The following LANCL1 variants were observed in gnomAD, a reference collection of about 807,000 sequenced individuals.
The protein encoded by LANCL1 is glutathione S-transferase LANCL1.
A neutral mutation model predicts 50.6 loss-of-function variants in LANCL1; 50 were observed. That is an observed-to-expected ratio of 0.99 (90% CI 0.79 to 1.25). The LOEUF is 1.25. Ranked by LOEUF, LANCL1 falls within the 50% of genes most tolerant of loss-of-function variation. LANCL1 has a pLI of 0.00. For missense variants in LANCL1, 532 were observed against 480.7 expected, an observed-to-expected ratio of 1.11 and a Z score of -1.00; for synonymous variants, 188 against 178.6, an observed-to-expected ratio of 1.05 and a Z score of -0.42.
At chr2:210,448,770 T>C (rs138905364) in intron 4 of LANCL1, among the ~76,000 whole-genome samples, 4,510 of 152,224 alleles carry the variant, frequency 0.03, 228 homozygotes, top group African/African-American at 0.1. Context: ...ATGGATAAAT[T>C]CCTTGACACA....
chr2:210,472,693 CT>C (rs1421515461), intron 2 of LANCL1, among the ~76,000 whole-genome samples: 1 of 152,206 alleles, frequency 6.6e-6, no homozygotes, highest in Non-Finnish European at 1.5e-5. Context: ...TGTCTACATC[CT>C]TACCCGCTAT....
chr2:210,459,354 T>C (rs1047163423), intron 3 of LANCL1, among the ~76,000 whole-genome samples: 1 of 151,492 alleles, frequency 6.6e-6, no homozygotes, highest in African/African-American at 2.4e-5. Flanking sequence ...GAAGAAAACA[T>C]AGAAGAAAAT....
intron 3 of LANCL1, among the ~76,000 whole-genome samples, chr2:210,462,187 G>C (rs1287366258): frequency 6.6e-6 from 1 of 152,154 alleles, no homozygotes; most frequent in Non-Finnish European, 1.5e-5. Flanking sequence ...CAGTGGATTT[G>C]ATCTTAAGGG....
chr2:210,440,737 T>A lies in LANCL1; in HGVS notation c.551A>T (p.Glu184Val), dbSNP rs1045483802. 8 of 1,613,086 alleles carry A rather than the reference T, an allele frequency of 5.0e-6. No individual in the cohort carries two copies. The South Asian group carries it at 6.6e-5, about 13-fold the overall frequency. The change falls in exon 6 of 10, where the codon GAA (glutamate) becomes GTA (valine). Residue 184 changes from glutamate (E) to valine (V), a missense_variant. Glu to Val is a moderately radical substitution (Grantham distance 121). Transcript: ENST00000450366. Reference protein sequence around the residue: ...IPQSHIQQICETILTSGENLA... With the variant: ...IPQSHIQQICVTILTSGENLA... Reference sequence around the variant, plus strand: ...GTTTTCTCCAGAGGTTAAAATTGTTTCACAAATCTACAGGGAGAAAACCAA... The same window carrying A: ...GTTTTCTCCAGAGGTTAAAATTGTTACACAAATCTACAGGGAGAAAACCAA...
At position 210,461,707 on chromosome 2, in the gene LANCL1, G is replaced by A. The variant is rs190720783; in HGVS notation, c.200-6393C>T. ...TTGTGAGTCGGTTACAGAAGATTGG[G>A]TCATGTCTTTCAGAACAGAAGTCCC... On this transcript the variant is annotated intron_variant, in intron 3 of 9. Transcript: ENST00000450366. Among the ~76,000 whole-genome samples the A allele has an allele frequency of 1.6e-4, 24 of 151,610 alleles. No homozygotes were observed. In the East Asian group the frequency reaches 2.9e-3, roughly 18 times the overall value.
chr2:210,454,870 A>T (rs1032232707), intron 4 of LANCL1, among the ~76,000 whole-genome samples: 3 of 152,176 alleles, frequency 2.0e-5, no homozygotes, highest in Non-Finnish European at 4.4e-5. Context: ...TCTCATTTAC[A>T]TTATTGAACT....
chr2:210,447,048 G>A (rs566573531), intron 4 of LANCL1, among the ~76,000 whole-genome samples: 2 of 152,188 alleles, frequency 1.3e-5, no homozygotes, highest in South Asian at 2.1e-4. Flanking sequence ...ACACATAATC[G>A]TCAGATTCAC....
chr2:210,474,479 G>A (rs1694300929), intron 2 of LANCL1, among the ~76,000 whole-genome samples: 1 of 151,908 alleles, frequency 6.6e-6, no homozygotes, highest in Admixed American at 6.6e-5. Context: ...ACTTTGGGAG[G>A]CTGAGATGGG....
At chr2:210,455,033 G>T in intron 4 of LANCL1, 74 bp downstream of exon 4, 2 of 1,245,156 alleles carry the variant, frequency 1.6e-6, no homozygotes, top group Non-Finnish European at 2.3e-6. Flanking sequence ...TCACTAGAAT[G>T]TTCTTTTGTT....
At chr2:210,477,197 C>CA (rs2105935583), upstream of LANCL1, among the ~76,000 whole-genome samples, 1 of 151,822 alleles carries the variant, frequency 6.6e-6, no homozygotes, top group Admixed American at 6.6e-5. Flanking sequence ...ACAACAACAA[C>CA]AAAAATATGC....
intron 4 of LANCL1, among the ~76,000 whole-genome samples, chr2:210,444,675 A>T (rs911786337): frequency 6.6e-6 from 1 of 152,232 alleles, no homozygotes; most frequent in African/African-American, 2.4e-5. Context: ...ATAGTGAAAC[A>T]GTGGTTATCT....
At chr2:210,463,084 T>C (rs969701654) in intron 3 of LANCL1, among the ~76,000 whole-genome samples, 1 of 152,232 alleles carries the variant, frequency 6.6e-6, no homozygotes, top group African/African-American at 2.4e-5. Flanking sequence ...GAGCCAGGCT[T>C]GTTTGGGTTG....
Position 210,437,586 on chromosome 2 carries a change from C to T in LANCL1, c.873+104G>A, listed in dbSNP as rs953107602. On this transcript the variant is annotated intron_variant, in intron 7 of 9. Transcript: ENST00000450366. ...TTTAGTAAAGTGATCTTAGGTCCCA[C>T]AAGAGATTTATTTATTGTTCCTTTA... 2.6e-5 allele frequency: 16 copies of T among 624,984 alleles called. No individual in the cohort carries two copies. In the Admixed American group the frequency reaches 5.5e-4, roughly 22 times the overall value. 38.7% of individuals were successfully genotyped at this position (624,984 alleles called of 1,614,324 possible).
rs184192483 is a variant in LANCL1, at chr2:210,439,405, G to A, written c.690+1193C>T. The stretch of plus-strand genomic sequence containing the variant: ...TGATTATTTGTTTCAATGAAATTTC[G>A]ATAAGGCTGTCTAATCCTCTTTGGA... On this transcript the variant is annotated intron_variant, in intron 6 of 9. Transcript: ENST00000450366. 7.2e-5 allele frequency among the ~76,000 whole-genome samples: 11 copies of A among 152,218 alleles called. No homozygotes were observed. The East Asian group carries it at 1.4e-3, about 19-fold the overall frequency.
chr2:210,459,960 T>C (rs970467031), intron 3 of LANCL1, among the ~76,000 whole-genome samples: 16 of 152,064 alleles, frequency 1.1e-4, no homozygotes, highest in African/African-American at 2.7e-4. Context: ...AGCAGTACTA[T>C]AAATACAGCC....
intron 2 of LANCL1, among the ~76,000 whole-genome samples, chr2:210,472,699 C>T (rs915341375): frequency 1.3e-5 from 2 of 152,178 alleles, no homozygotes; most frequent in African/African-American, 2.4e-5. Context: ...CATCCTTACC[C>T]GCTATTAGCT....
chr2:210,443,299 T>A (rs1693204722), intron 4 of LANCL1, among the ~76,000 whole-genome samples: 1 of 152,208 alleles, frequency 6.6e-6, no homozygotes, highest in Admixed American at 6.5e-5. Flanking sequence ...AAAATGTCCT[T>A]GCTATTTTAG....
rs550920314 is a variant in LANCL1 at position 210,434,090 on chromosome 2, T to A, written c.*397A>T. On this transcript the variant is annotated 3_prime_UTR_variant, in exon 10 of 10. Transcript: ENST00000450366. ...GGAAAAATATTAAAGAGAAGTGAAGTGTAATACCCAATAATAGTCACATAT... is the reference window on the plus strand; with the variant it reads ...GGAAAAATATTAAAGAGAAGTGAAGAGTAATACCCAATAATAGTCACATAT... 6.8e-4 allele frequency: 105 copies of A among 153,734 alleles called. No individual in the cohort carries two copies. Among genetic ancestry groups the A allele is most frequent in the Non-Finnish European group, 1.3e-3 (92 of 69,042 alleles). The allele number at this position is 153,734 out of a possible 1,614,324, so 9.5% of individuals were successfully genotyped here. A position where few individuals can be genotyped will look rare whatever the true frequency, so the allele number is the denominator to read the frequency against.
chr2:210,454,623 A>C (rs983499573), intron 4 of LANCL1, among the ~76,000 whole-genome samples: 3 of 152,214 alleles, frequency 2.0e-5, no homozygotes, highest in African/African-American at 7.2e-5. Context: ...AAAGTCTATT[A>C]GTACAAACAT....
Sources: gnomAD v4.1 joint callset for allele counts (sites outside exome capture counted in the v4.1 genomes callset) on GRCh38, gnomAD v4.1.1 for gene constraint, MANE v1.5 for transcripts, NCBI Gene and HGNC (gene_info 2026-07-23, HGNC 2026-07-21) for gene names.